The following NOP58 variants were observed in gnomAD, a reference collection of about 807,000 sequenced individuals.
NOP58 encodes nucleolar protein 58.
Under a neutral mutation model 71.2 loss-of-function variants are expected in NOP58, and 44 were observed. The ratio of observed to expected loss-of-function variants is 0.62; its 90% CI spans 0.49 to 0.79. NOP58 has a LOEUF of 0.79. NOP58 is among the 30% of genes least tolerant of loss of function. NOP58 has a pLI of 0.00. For missense variants in NOP58, 538 were observed against 620.2 expected, an observed-to-expected ratio of 0.87 and a Z score of 1.41; for synonymous variants, 228 against 200.3, an observed-to-expected ratio of 1.14 and a Z score of -1.17.
chr2:202,278,789 A>G (rs1189970706), intron 3 of NOP58, among the ~76,000 whole-genome samples: 1 of 152,218 alleles, frequency 6.6e-6, no homozygotes, highest in Non-Finnish European at 1.5e-5. Flanking sequence ...GGGCAAGAAT[A>G]TGACAGATGC....
In NOP58 at chr2:202,265,859, C is replaced by T. The variant is rs1688403819; in HGVS notation, c.-83C>T. The T allele has an allele frequency of 6.5e-7, 1 of 1,535,374 alleles. No individual in the cohort carries two copies. The highest frequency in any genetic ancestry group is 9.0e-7 in the Non-Finnish European group (1 of 1,111,220). On this transcript the variant is annotated 5_prime_UTR_variant, in exon 1 of 15. Coordinates refer to ENST00000264279, the MANE Select transcript of NOP58 (RefSeq NM_015934.5). ...GCTTTGCCCGCCGCGGCCTAGGAGG[C>T]CTTTTGAGGCCGCGTAGTCGGTGTT...
At chr2:202,292,626 AAG>A (rs1688922695) in intron 8 of NOP58, 149 bp from the exon 9 acceptor site, 2 of 608,988 alleles carry the variant, frequency 3.3e-6, no homozygotes, top group South Asian at 4.4e-5. Context: ...AAAAAAAAAA[AAG>A]AAAACTGATG....
intron 1 of NOP58, 106 bp from the exon 2 acceptor site, chr2:202,275,007 T>G (rs1342242392): frequency 4.3e-6 from 2 of 465,710 alleles, no homozygotes; most frequent in Non-Finnish European, 7.2e-6. Flanking sequence ...GTGAAAGAAA[T>G]AGCTTCTACA....
At chr2:202,301,687 C>G (rs953568797) in intron 13 of NOP58, among the ~76,000 whole-genome samples, 19 of 152,184 alleles carry the variant, frequency 1.2e-4, no homozygotes, top group Non-Finnish European at 2.2e-4. Context: ...AACCTACTAT[C>G]CATCCACTTA....
intron 2 of NOP58, among the ~76,000 whole-genome samples, chr2:202,277,300 G>T (rs982876935): frequency 1.4e-5 from 2 of 147,680 alleles, no homozygotes; most frequent in Non-Finnish European, 3.0e-5. Flanking sequence ...GTGAGACTCT[G>T]TCTCAAAAAA....
intron 5 of NOP58, among the ~76,000 whole-genome samples, chr2:202,287,288 C>A (rs376694198): frequency 6.6e-6 from 1 of 151,928 alleles, no homozygotes; most frequent in African/African-American, 2.4e-5. Context: ...AGGTTGGTCT[C>A]GAACTCCTAA....
At chr2:202,276,412 CT>C (rs1379015316) in intron 2 of NOP58, 1 of 493,952 alleles carries the variant, frequency 2.0e-6, no homozygotes, top group Non-Finnish European at 4.1e-6. Context: ...GGGTTATATG[CT>C]TTGTTGGGTT....
chr2:202,282,560 A>G, intron 4 of NOP58, 88 bp downstream of exon 4: 1 of 1,321,554 alleles, frequency 7.6e-7, no homozygotes, highest in Non-Finnish European at 1.0e-6. Flanking sequence ...TAAGTTGCTT[A>G]TCATAAATTC....
Position 202,290,456 on chromosome 2 carries a change from T to C in NOP58, c.633T>C (p.Val211=), listed in dbSNP as rs1688867949. The change falls in exon 7 of 15, where the codon GTT becomes GTC. Residue 211 remains valine (V), a splice_region_variant and synonymous_variant. Coordinates refer to ENST00000264279, the MANE Select transcript of NOP58 (RefSeq NM_015934.5). ...CATACTGCAAGTGTTTACAGAAAGT[T>C]GGTGAGTAATTTGTTCATCCTTTAA... The part of the protein sequence containing the change: ...NLTYCKCLQK[V]GDRKNYASAK... 2 of 1,606,912 alleles carry C rather than the reference T, an allele frequency of 1.2e-6. No homozygotes were observed. Among genetic ancestry groups the C allele is most frequent in the African/African-American group, 2.7e-5 (2 of 74,742 alleles).
intron 5 of NOP58, among the ~76,000 whole-genome samples, chr2:202,285,027 TTTTG>T (rs1342951316): frequency 6.6e-6 from 1 of 152,004 alleles, no homozygotes; most frequent in African/African-American, 2.4e-5. Flanking sequence ...CTCTGTGTTT[TTTTG>T]TTTGTTTTGT....
At chr2:202,287,101 T>C (rs1688800341) in intron 5 of NOP58, among the ~76,000 whole-genome samples, 1 of 148,742 alleles carries the variant, frequency 6.7e-6, no homozygotes, top group Admixed American at 6.8e-5. Flanking sequence ...GGAGTCTTGC[T>C]TTGTTGCCCA....
chr2:202,268,214 A>G (rs554666357), intron 1 of NOP58, among the ~76,000 whole-genome samples: 1 of 152,256 alleles, frequency 6.6e-6, no homozygotes, highest in Non-Finnish European at 1.5e-5. Context: ...TTCCTTTCCC[A>G]TAATCTTTCA....
chr2:202,296,894 T>C (rs1689003329), intron 10 of NOP58, among the ~76,000 whole-genome samples: 1 of 152,068 alleles, frequency 6.6e-6, no homozygotes, highest in Non-Finnish European at 1.5e-5. Context: ...GCACCACACC[T>C]GGCTAATTTT....
At chr2:202,282,243 T>G in intron 3 of NOP58, 108 bp from the exon 4 acceptor site, 1 of 776,408 alleles carries the variant, frequency 1.3e-6, no homozygotes, top group Non-Finnish European at 2.1e-6. Flanking sequence ...AACATTAAAT[T>G]CAAGCCCTTT....
chr2:202,290,553 AG>A, intron 7 of NOP58, 96 bp downstream of exon 7: 2 of 1,119,024 alleles, frequency 1.8e-6, no homozygotes, highest in Non-Finnish European at 2.5e-6. Context: ...CAAGATTCCC[AG>A]GGTTTTTGCA....
At chr2:202,291,050 C>T in intron 7 of NOP58, 75 bp from the exon 8 acceptor site, 2 of 1,326,382 alleles carry the variant, frequency 1.5e-6, no homozygotes, top group African/African-American at 1.5e-5. Flanking sequence ...TCTACTTTTT[C>T]TTTTGACTAT....
chr2:202,291,339 A>T, intron 8 of NOP58, 69 bp downstream of exon 8: 1 of 1,231,992 alleles, frequency 8.1e-7, no homozygotes, highest in Non-Finnish European at 1.1e-6. Context: ...TTCTGATGGC[A>T]ATGATGATTT....
intron 4 of NOP58, among the ~76,000 whole-genome samples, chr2:202,284,140 G>T (rs1688752075): frequency 6.6e-6 from 1 of 152,020 alleles, no homozygotes; most frequent in African/African-American, 2.4e-5. Flanking sequence ...AATTAGCTGG[G>T]CATGGTGGCT....
chr2:202,291,622 A>G (rs917100244), intron 8 of NOP58, among the ~76,000 whole-genome samples: 1 of 151,982 alleles, frequency 6.6e-6, no homozygotes, highest in African/African-American at 2.4e-5. Flanking sequence ...CCTGACCAAT[A>G]TGATGAAACC....
Sources: gnomAD v4.1 joint callset for allele counts (sites outside exome capture counted in the v4.1 genomes callset) on GRCh38, gnomAD v4.1.1 for gene constraint, MANE v1.5 for transcripts, NCBI Gene and HGNC (gene_info 2026-07-23, HGNC 2026-07-21) for gene names.